GRIP1: variants seen among roughly 807,000 people sequenced by gnomAD.
GRIP1 encodes the protein glutamate receptor-interacting protein 1.
Under a neutral mutation model 129.9 loss-of-function variants are expected in GRIP1, and 45 were observed. That is an observed-to-expected ratio of 0.35 (90% CI 0.27 to 0.44). The LOEUF (loss-of-function observed/expected upper bound fraction) is 0.44. GRIP1 is among the 20% of genes least tolerant of loss of function. GRIP1 has a pLI of 1.00. For synonymous variants in GRIP1, 530 were observed against 520.8 expected, an observed-to-expected ratio of 1.02 and a Z score of -0.24; for missense variants, 1,196 against 1,396.8, an observed-to-expected ratio of 0.86 and a Z score of 2.29.
At chr12:66,420,381 T>C (rs1300838628) in intron 15 of GRIP1, among the ~76,000 whole-genome samples, 1 of 150,862 alleles carries the variant, frequency 6.6e-6, no homozygotes, top group African/African-American at 2.4e-5. Context: ...TCACCTCTGT[T>C]TGGGTACCTC....
At chr12:66,801,391 G>A (rs2038855178) in intron 1 of GRIP1, among the ~76,000 whole-genome samples, 1 of 152,024 alleles carries the variant, frequency 6.6e-6, no homozygotes, top group Admixed American at 6.6e-5. Context: ...TATCATCATT[G>A]TCACTGCTAA....
At chr12:66,806,875 G>C (rs2039004163), upstream of GRIP1, among the ~76,000 whole-genome samples, 1 of 151,576 alleles carries the variant, frequency 6.6e-6, no homozygotes, top group African/African-American at 2.4e-5. Flanking sequence ...TTTTATATGA[G>C]ATGTGGTTTG....
At chr12:66,676,229 G>A (rs2034321424) in intron 1 of GRIP1, among the ~76,000 whole-genome samples, 1 of 152,106 alleles carries the variant, frequency 6.6e-6, no homozygotes, top group East Asian at 1.9e-4. Flanking sequence ...ATCGATATTT[G>A]TTAAGTATGT....
intron 1 of GRIP1, among the ~76,000 whole-genome samples, chr12:66,643,095 T>C (rs1370933723): frequency 6.6e-6 from 1 of 152,210 alleles, no homozygotes. Context: ...ATTAAAGAAG[T>C]TCATAATATC....
intron 1 of GRIP1, among the ~76,000 whole-genome samples, chr12:66,877,715 C>A (rs2040406354): frequency 6.6e-6 from 1 of 152,082 alleles, no homozygotes; most frequent in South Asian, 2.1e-4. Context: ...TCCACATACA[C>A]CCCACATATT....
chr12:66,681,153 C>G (rs947932451), upstream of GRIP1, among the ~76,000 whole-genome samples: 1 of 152,112 alleles, frequency 6.6e-6, no homozygotes, highest in Non-Finnish European at 1.5e-5. Flanking sequence ...CCATATCTAT[C>G]CTATTAGTCT....
chr12:66,571,881 G>A (rs191304390), intron 2 of GRIP1, among the ~76,000 whole-genome samples: 5 of 152,350 alleles, frequency 3.3e-5, no homozygotes, highest in Admixed American at 2.6e-4. Flanking sequence ...TATGGGCATG[G>A]CAGAGGGTGT....
rs200211966 is a variant in GRIP1, at chr12:66,529,887, C to G, written c.446G>C (p.Arg149Pro). ...TTTATGTAATGTGACCTCCACTGTT[C>G]GGAAAATAACACTTGATCCTTGCAC... ...VSVQGSSVIF[R>P]TVEVTLHKEG... Residue 149 changes from arginine (R) to proline (P), a missense_variant, in exon 5 of 25, where the codon CGA (arginine) becomes CCA (proline). Physicochemically the swap from Arg to Pro is moderately radical, Grantham distance 103. Transcript: ENST00000359742. 6.2e-7 allele frequency: 1 copy of G among 1,601,772 alleles called. No homozygotes were observed. The highest frequency in any genetic ancestry group is 1.3e-5 in the African/African-American group (1 of 74,758).
chr12:66,691,643 T>C (rs2034985548), intron 1 of GRIP1, among the ~76,000 whole-genome samples: 1 of 152,216 alleles, frequency 6.6e-6, no homozygotes, highest in South Asian at 2.1e-4. Context: ...CAGTGGTGAA[T>C]GAAAGTGTCC....
intron 16 of GRIP1, among the ~76,000 whole-genome samples, chr12:66,396,610 T>C (rs554936445): frequency 1.3e-5 from 2 of 152,304 alleles, no homozygotes; most frequent in Admixed American, 1.3e-4. Flanking sequence ...CCTCACTGAC[T>C]AGAAGGCAAT....
At chr12:66,465,900 G>A (rs532150836) in intron 7 of GRIP1, among the ~76,000 whole-genome samples, 21 of 152,256 alleles carry the variant, frequency 1.4e-4, no homozygotes, top group Non-Finnish European at 2.9e-5. Flanking sequence ...AAGGGAGGAA[G>A]GGAGGAAGAA....
At chr12:66,710,277 C>A (rs1337254606) in intron 1 of GRIP1, among the ~76,000 whole-genome samples, 2 of 151,760 alleles carry the variant, frequency 1.3e-5, no homozygotes, top group Non-Finnish European at 2.9e-5. Flanking sequence ...TGCACTCTGC[C>A]CTTTGGGAGA....
chr12:66,847,387 T>C (rs1043479411), intron 1 of GRIP1, among the ~76,000 whole-genome samples: 17 of 152,300 alleles, frequency 1.1e-4, no homozygotes, highest in African/African-American at 3.9e-4. Flanking sequence ...TCTATATATG[T>C]ATATAATTTG....
intron 1 of GRIP1, among the ~76,000 whole-genome samples, chr12:66,625,131 T>C (rs961883494): frequency 6.6e-6 from 1 of 152,160 alleles, no homozygotes; most frequent in Non-Finnish European, 1.5e-5. Context: ...CTTATACTTA[T>C]GAATCTGGGG....
chr12:66,411,198 T>A (rs904880590), intron 15 of GRIP1, among the ~76,000 whole-genome samples: 11 of 152,088 alleles, frequency 7.2e-5, no homozygotes, highest in Non-Finnish European at 1.3e-4. Context: ...CCTGACTGGG[T>A]GTGACCTCCC....
At chr12:66,573,230 A>G (rs2063025234) in intron 2 of GRIP1, among the ~76,000 whole-genome samples, 1 of 152,116 alleles carries the variant, frequency 6.6e-6, no homozygotes, top group African/African-American at 2.4e-5. Context: ...AAAGCCCTGA[A>G]CTGAATTCGG....
intron 13 of GRIP1, among the ~76,000 whole-genome samples, chr12:66,436,369 C>T (rs922825270): frequency 6.6e-6 from 1 of 152,030 alleles, no homozygotes; most frequent in African/African-American, 2.4e-5. Context: ...GGATTCTCAC[C>T]GAGACTTCTT....
intron 1 of GRIP1, among the ~76,000 whole-genome samples, chr12:66,999,784 G>A (rs546747550): frequency 6.6e-6 from 1 of 152,202 alleles, no homozygotes; most frequent in Admixed American, 6.5e-5. Context: ...ATATATCATG[G>A]TTCCATCTAC....
At chr12:67,003,732 AT>A (rs1320350630) in intron 1 of GRIP1, among the ~76,000 whole-genome samples, 2 of 151,954 alleles carry the variant, frequency 1.3e-5, no homozygotes, top group African/African-American at 2.4e-5. Flanking sequence ...AAATAAAAAA[AT>A]AAATAAAAAA....
Sources: gnomAD v4.1 joint callset for allele counts (sites outside exome capture counted in the v4.1 genomes callset) on GRCh38, gnomAD v4.1.1 for gene constraint, MANE v1.5 for transcripts, NCBI Gene and HGNC (gene_info 2026-07-23, HGNC 2026-07-21) for gene names.